SNRPN: variants seen among roughly 807,000 people sequenced by gnomAD.
The protein encoded by SNRPN is small nuclear ribonucleoprotein-associated protein N.
Under a neutral mutation model 25.2 loss-of-function variants are expected in SNRPN, and 7 were observed. The observed-to-expected ratio is 0.28, with a 90% CI of 0.16 to 0.52. The LOEUF (loss-of-function observed/expected upper bound fraction) is 0.52. Ranked by LOEUF, SNRPN falls within the 20% of genes least tolerant of loss-of-function variation. SNRPN has a pLI of 0.96. For missense variants in SNRPN, 196 were observed against 322.5 expected, an observed-to-expected ratio of 0.61 and a Z score of 3.00; for synonymous variants, 124 against 110.6, an observed-to-expected ratio of 1.12 and a Z score of -0.76.
At chr15:24,885,483 C>G (rs1158845724) in intron 1 of SNRPN, among the ~76,000 whole-genome samples, 1 of 152,158 alleles carries the variant, frequency 6.6e-6, no homozygotes, top group Non-Finnish European at 1.5e-5. Flanking sequence ...GACTTGGAAA[C>G]AGTTTTATGT....
intron 3 of SNRPN, among the ~76,000 whole-genome samples, chr15:24,928,479 G>T (rs776423191): frequency 2.2e-4 from 33 of 152,010 alleles, no homozygotes; most frequent in Non-Finnish European, 4.0e-4. Flanking sequence ...GCCAGGCACA[G>T]AAATATAAAT....
At chr15:24,934,636 G>A (rs1278626450) in intron 3 of SNRPN, among the ~76,000 whole-genome samples, 8 of 152,186 alleles carry the variant, frequency 5.3e-5, no homozygotes, top group African/African-American at 1.9e-4. Flanking sequence ...TCAGCTCACT[G>A]CAACCTCCAC....
chr15:24,861,298 C>T (rs1385578860), intron 1 of SNRPN, among the ~76,000 whole-genome samples: 1 of 152,034 alleles, frequency 6.6e-6, no homozygotes, highest in Non-Finnish European at 1.5e-5. Flanking sequence ...ACTATTGCTC[C>T]CAAGCTATAA....
At chr15:24,903,701 T>C (rs892330103) in intron 2 of SNRPN, among the ~76,000 whole-genome samples, 39 of 152,298 alleles carry the variant, frequency 2.6e-4, no homozygotes, top group African/African-American at 9.1e-4. Context: ...GGGATATTAC[T>C]GAGTTTTAAT....
intron 2 of SNRPN, among the ~76,000 whole-genome samples, chr15:24,898,589 AAAAAAAAAGTAGTATATATTGAAAGTAT>A (rs1174638395): frequency 6.6e-6 from 1 of 152,184 alleles, no homozygotes; most frequent in East Asian, 1.9e-4. Context: ...CTGTCTAAAA[AAAAAAAAAGTAGTATATATTGAAAGTAT>A]AAAGGGGTGA....
intron 2 of SNRPN, among the ~76,000 whole-genome samples, chr15:24,844,117 T>C (rs1271858447): frequency 6.7e-6 from 1 of 150,138 alleles, no homozygotes; most frequent in Non-Finnish European, 1.5e-5. Context: ...CTCTGTGTGT[T>C]TGTGTGTGTC....
intron 3 of SNRPN, among the ~76,000 whole-genome samples, chr15:24,948,833 G>A (rs1204068331): frequency 3.3e-5 from 5 of 151,568 alleles, no homozygotes; most frequent in South Asian, 2.1e-4. Context: ...TATTCACAAC[G>A]TTTCCCAACC....
chr15:24,912,186 T>C (rs2059260618), intron 2 of SNRPN, among the ~76,000 whole-genome samples: 1 of 152,326 alleles, frequency 6.6e-6, no homozygotes, highest in African/African-American at 2.4e-5. Context: ...TCGAGCTATG[T>C]CACCCAGGCT....
Position 24,956,738 on chromosome 15 carries a change from T to C in SNRPN, c.-391+1676T>C, listed in dbSNP as rs189347615. 1.9e-3 allele frequency among the ~76,000 whole-genome samples: 288 copies of C among 152,292 alleles called. 1 individual carries two copies. Among genetic ancestry groups the C allele is most frequent in the African/African-American group, 6.4e-3 (267 of 41,572 alleles). ...GAGATGGGTTGGCGCAGGCTCCGCC[T>C]AGCAAGCTTGGCAGCCACCCCTTAC... On this transcript the variant is annotated intron_variant, in intron 1 of 9. Transcript: ENST00000390687.
Position 24,872,161 on chromosome 15 carries a change from A to G in SNRPN, c.-578-14355A>G. The stretch of plus-strand genomic sequence containing the variant: ...CATTAATTTCAGACCATGAAGATAC[A>G]TTTTTAAAATAACTTTTTTTTTGAG... On this transcript the variant is annotated intron_variant, in intron 1 of 11. Coordinates refer to the SNRPN transcript ENST00000400097. Among the ~76,000 whole-genome samples the G allele has an allele frequency of 1.7e-5, 2 of 119,944 alleles. 1 individual carries two copies. Among genetic ancestry groups the G allele is most frequent in the Non-Finnish European group, 3.7e-5 (2 of 54,716 alleles). 78.7% of individuals were successfully genotyped at this position (119,944 alleles called of 152,430 possible). A position where few individuals can be genotyped will look rare whatever the true frequency, so the allele number is the denominator to read the frequency against.
chr15:24,891,540 C>T (rs2057677461), intron 2 of SNRPN, among the ~76,000 whole-genome samples: 2 of 151,854 alleles, frequency 1.3e-5, no homozygotes, highest in South Asian at 2.1e-4. Flanking sequence ...TGGGTTCAAG[C>T]GATTCTCCTG....
At chr15:24,974,590 C>T in intron 4 of SNRPN, 134 bp downstream of exon 4, 1 of 855,106 alleles carries the variant, frequency 1.2e-6, no homozygotes, top group Non-Finnish European at 2.0e-6. Flanking sequence ...ATTCTCATTG[C>T]ATTGAGTATC....
At chr15:24,947,400 G>T (rs1440990961) in intron 3 of SNRPN, among the ~76,000 whole-genome samples, 1 of 152,200 alleles carries the variant, frequency 6.6e-6, no homozygotes, top group East Asian at 1.9e-4. Context: ...GGAGGCAGAG[G>T]CAAGTGGATC....
At chr15:24,918,778 T>A (rs199619964) in intron 2 of SNRPN, among the ~76,000 whole-genome samples, 434 of 24,264 alleles carry the variant, frequency 0.018, 123 homozygotes, top group African/African-American at 0.062. Context: ...ATATATAACA[T>A]AATATATATG....
At chr15:24,959,605 A>G (rs1174741727) in intron 1 of SNRPN, among the ~76,000 whole-genome samples, 2 of 152,180 alleles carry the variant, frequency 1.3e-5, no homozygotes, top group Non-Finnish European at 2.9e-5. Context: ...GTTGTACACT[A>G]TTAGATTAAT....
At chr15:24,977,356 T>C (rs1246235073) in intron 7 of SNRPN, among the ~76,000 whole-genome samples, 2 of 152,064 alleles carry the variant, frequency 1.3e-5, no homozygotes, top group Admixed American at 6.5e-5. Context: ...AATATGGGAA[T>C]AGGCCGGGTG....
chr15:24,951,550 C>T (rs1378213231), upstream of SNRPN, among the ~76,000 whole-genome samples: 1 of 151,418 alleles, frequency 6.6e-6, no homozygotes, highest in Non-Finnish European at 1.5e-5. Context: ...CTCTATTACC[C>T]AGGCTAGAGT....
chr15:24,931,716 T>A (rs2060870376), intron 3 of SNRPN, among the ~76,000 whole-genome samples: 1 of 151,730 alleles, frequency 6.6e-6, no homozygotes, highest in South Asian at 2.1e-4. Context: ...CACATGGCTG[T>A]AGTCCCAGCT....
chr15:24,977,095 T>G (rs2077142906), intron 7 of SNRPN, 66 bp downstream of exon 7: 8 of 1,341,342 alleles, frequency 6.0e-6, no homozygotes, highest in Non-Finnish European at 8.1e-6. Flanking sequence ...CCGAGGAGAT[T>G]TAAAAACCTA....
Sources: allele counts gnomAD v4.1 joint callset (sites outside exome capture counted in the v4.1 genomes callset), GRCh38; gene constraint gnomAD v4.1.1; transcripts MANE v1.5; gene names NCBI Gene and HGNC (gene_info 2026-07-23, HGNC 2026-07-21).